ATRNL1: variants seen among roughly 807,000 people sequenced by gnomAD.
ATRNL1 encodes attractin like 1, also known as attractin-like protein 1.
In ATRNL1, 95 loss-of-function variants were observed where a neutral mutation model predicts 182.7. The observed-to-expected ratio is 0.52, with a 90% CI of 0.44 to 0.62. The LOEUF is 0.62. Among genes scored for constraint, ATRNL1 ranks in the 20% least tolerant of loss-of-function variants. The pLI is 0.00. For synonymous variants in ATRNL1, 576 were observed against 568.3 expected (o/e 1.01, Z -0.19); for missense variants, 1,471 against 1,679.5 (o/e 0.88, Z 2.17).
In ATRNL1 at chr10:115,300,046, T is replaced by C; in HGVS notation, c.2428T>C (p.Trp810Arg). 6.2e-7 allele frequency: 1 copy of C among 1,611,188 alleles called. No individual in the cohort carries two copies. The highest frequency in any genetic ancestry group is 8.5e-7 in the Non-Finnish European group (1 of 1,178,048). ...QKYTQQKVSP[W>R]VGLRKINISY... The stretch of plus-strand genomic sequence containing the variant: ...CTGTTGTTTACAGAAAGTATCACCT[T>C]GGGTAGGCTTGCGCAAGATCAATAT... The change falls in exon 16 of 29, where the codon TGG becomes CGG. Residue 810 changes from tryptophan to arginine, a missense_variant. By Grantham distance (101) the Trp-to-Arg change is moderately radical. Coordinates refer to ENST00000355044, the MANE Select transcript of ATRNL1 (RefSeq NM_207303.4).
chr10:115,920,339 C>T (rs1392117387), intron 28 of ATRNL1, among the ~76,000 whole-genome samples: 2 of 152,112 alleles, frequency 1.3e-5, no homozygotes, highest in African/African-American at 2.4e-5. Flanking sequence ...GTGTTCTGTC[C>T]TCACCTCTGT....
At chr10:115,747,127 T>C (rs2960642) in intron 27 of ATRNL1, among the ~76,000 whole-genome samples, 144,607 of 152,176 alleles carry the variant, frequency 0.95, 69,121 homozygotes, top group East Asian at 1. Flanking sequence ...TGATAAGGAA[T>C]ATAGTTATCA....
At chr10:115,879,726 GT>G in intron 28 of ATRNL1, among the ~76,000 whole-genome samples, 2 of 152,168 alleles carry the variant, frequency 1.3e-5, no homozygotes, top group Admixed American at 6.5e-5. Context: ...ATCACTGTGA[GT>G]TTTTTTTAAG....
intron 8 of ATRNL1, among the ~76,000 whole-genome samples, chr10:115,174,621 T>G (rs1847424401): frequency 6.6e-6 from 1 of 151,998 alleles, no homozygotes; most frequent in Non-Finnish European, 1.5e-5. Context: ...TAGGCTTTGT[T>G]GGTCTTACAG....
At chr10:115,626,807 A>G (rs1408778270) in intron 26 of ATRNL1, among the ~76,000 whole-genome samples, 1 of 152,322 alleles carries the variant, frequency 6.6e-6, no homozygotes, top group East Asian at 1.9e-4. Context: ...GTTGATTTAC[A>G]TATGAATTCC....
chr10:115,532,955 G>A (rs1478159451), intron 25 of ATRNL1, among the ~76,000 whole-genome samples: 2 of 150,788 alleles, frequency 1.3e-5, no homozygotes, highest in East Asian at 2.0e-4. Context: ...TGCATCCCAG[G>A]GATGAAGCCC....
intron 27 of ATRNL1, among the ~76,000 whole-genome samples, chr10:115,750,141 C>T (rs782375643): frequency 5.9e-5 from 9 of 151,898 alleles, no homozygotes; most frequent in Non-Finnish European, 1.2e-4. Context: ...TACCCAAACA[C>T]TTCAAATCCT....
intron 27 of ATRNL1, among the ~76,000 whole-genome samples, chr10:115,744,016 A>G (rs1555068497): frequency 6.6e-6 from 1 of 151,984 alleles, no homozygotes; most frequent in African/African-American, 2.4e-5. Context: ...GTGAGTAAAT[A>G]TTGAGTATTA....
chr10:115,564,537 T>C (rs1312945606), intron 26 of ATRNL1, among the ~76,000 whole-genome samples: 2 of 151,938 alleles, frequency 1.3e-5, no homozygotes, highest in Admixed American at 6.6e-5. Context: ...ATGGAAGAGA[T>C]TTTTAGAAGT....
rs368429457 is a variant in ATRNL1, at chr10:115,268,306, G to A, written c.1982-20G>A. On this transcript the variant is annotated intron_variant, in intron 12 of 28. Coordinates refer to ENST00000355044, the MANE Select transcript of ATRNL1 (RefSeq NM_207303.4). ...ATTTTCTTTTCCGTGCTGATATATC[G>A]TCCCCCATTTGTATTATAGCTGCTT... 1.5e-4 allele frequency: 211 copies of A among 1,380,732 alleles called. No homozygotes were observed. Among genetic ancestry groups the A allele is most frequent in the Non-Finnish European group, 2.0e-4 (197 of 969,128 alleles). 85.5% of individuals were successfully genotyped at this position (1,380,732 alleles called of 1,614,324 possible). A position where few individuals can be genotyped will look rare whatever the true frequency, so the allele number is the denominator to read the frequency against.
At chr10:115,590,382 C>A (rs544909451) in intron 26 of ATRNL1, among the ~76,000 whole-genome samples, 16 of 152,062 alleles carry the variant, frequency 1.1e-4, no homozygotes, top group African/African-American at 3.9e-4. Context: ...GTGTATTAAC[C>A]TTTGGTTGTC....
chr10:115,686,056 G>A (rs1459885405), intron 26 of ATRNL1, among the ~76,000 whole-genome samples: 1 of 151,352 alleles, frequency 6.6e-6, no homozygotes, highest in Non-Finnish European at 1.5e-5. Context: ...AGGAAAATTA[G>A]AACAATGTTT....
At chr10:115,694,762 G>C (rs1226774731) in intron 26 of ATRNL1, among the ~76,000 whole-genome samples, 2 of 152,000 alleles carry the variant, frequency 1.3e-5, no homozygotes, top group African/African-American at 4.8e-5. Context: ...CCCCAGGTGG[G>C]AATAAGGCAT....
intron 5 of ATRNL1, among the ~76,000 whole-genome samples, chr10:115,153,568 C>A (rs964797398): frequency 3.9e-5 from 6 of 152,092 alleles, no homozygotes; most frequent in Admixed American, 6.6e-5. Context: ...TCCCCTTTAT[C>A]ATTTTTTATT....
intron 28 of ATRNL1, among the ~76,000 whole-genome samples, chr10:115,891,668 G>T (rs1018836625): frequency 6.6e-5 from 10 of 151,958 alleles, no homozygotes; most frequent in Admixed American, 6.6e-5. Context: ...AGATCACTTA[G>T]TTCCTTTTTG....
intron 25 of ATRNL1, among the ~76,000 whole-genome samples, chr10:115,526,601 C>A (rs570689754): frequency 6.6e-6 from 1 of 152,296 alleles, no homozygotes; most frequent in Non-Finnish European, 1.5e-5. Context: ...GTGTTCCACC[C>A]ACCAACATGG....
At chr10:115,564,577 A>G (rs1555000987) in intron 26 of ATRNL1, among the ~76,000 whole-genome samples, 1 of 151,866 alleles carries the variant, frequency 6.6e-6, no homozygotes, top group East Asian at 1.9e-4. Flanking sequence ...ATAAACATGG[A>G]AAGTTTGCTA....
At chr10:115,418,815 C>T (rs1156969559) in intron 20 of ATRNL1, among the ~76,000 whole-genome samples, 1 of 152,120 alleles carries the variant, frequency 6.6e-6, no homozygotes, top group Non-Finnish European at 1.5e-5. Context: ...TGGAAGGAAA[C>T]TACCTGCCAA....
At chr10:115,662,363 G>A (rs985507454) in intron 26 of ATRNL1, among the ~76,000 whole-genome samples, 2 of 152,044 alleles carry the variant, frequency 1.3e-5, no homozygotes, top group Non-Finnish European at 2.9e-5. Context: ...ACTGTTGGTG[G>A]GACTGTAAAC....
Sources: gnomAD v4.1 joint callset for allele counts (sites outside exome capture counted in the v4.1 genomes callset) on GRCh38, gnomAD v4.1.1 for gene constraint, MANE v1.5 for transcripts, NCBI Gene and HGNC (gene_info 2026-07-23, HGNC 2026-07-21) for gene names.